SUCLG2: variants seen among roughly 807,000 people sequenced by gnomAD.
SUCLG2 encodes the protein succinate-CoA ligase GDP-forming subunit beta.
Under a neutral mutation model 47.9 loss-of-function variants are expected in SUCLG2, and 42 were observed. The observed-to-expected ratio is 0.88, with a 90% CI of 0.69 to 1.14. SUCLG2 has a LOEUF of 1.14. Ranked by LOEUF, SUCLG2 falls within the 50% of genes most tolerant of loss-of-function variation. The pLI is 0.00. For synonymous variants in SUCLG2, 195 were observed against 197.3 expected, an observed-to-expected ratio of 0.99 and a Z score of 0.10; for missense variants, 571 against 525.9, an observed-to-expected ratio of 1.09 and a Z score of -0.84.
intron 1 of SUCLG2, among the ~76,000 whole-genome samples, chr3:67,617,254 T>C (rs1239389097): frequency 1.3e-5 from 2 of 152,220 alleles, no homozygotes; most frequent in African/African-American, 4.8e-5. Flanking sequence ...GAATCCTGTT[T>C]GTGAGAGGAA....
At chr3:67,411,892 T>C (rs1702940106) in intron 9 of SUCLG2, among the ~76,000 whole-genome samples, 2 of 152,112 alleles carry the variant, frequency 1.3e-5, no homozygotes, top group Admixed American at 1.3e-4. Flanking sequence ...AAGTTACACA[T>C]TCAAACATGT....
At chr3:67,461,416 T>C (rs949725741) in intron 9 of SUCLG2, among the ~76,000 whole-genome samples, 2 of 152,100 alleles carry the variant, frequency 1.3e-5, no homozygotes, top group Admixed American at 6.6e-5. Context: ...GAATTCCATA[T>C]AACGGTATTG....
chr3:67,399,166 T>C (rs1274385267), intron 10 of SUCLG2, among the ~76,000 whole-genome samples: 1 of 148,952 alleles, frequency 6.7e-6, no homozygotes, highest in Non-Finnish European at 1.5e-5. Flanking sequence ...AAACTTAAAG[T>C]ATAATAATAA....
At chr3:67,592,724 A>AC (rs1300581348) in intron 2 of SUCLG2, among the ~76,000 whole-genome samples, 10 of 116,230 alleles carry the variant, frequency 8.6e-5, no homozygotes, top group African/African-American at 2.7e-4. Context: ...CCTCCAAAAA[A>AC]AAAAAAAAAA....
At chr3:67,366,704 A>G (rs975386284) in intron 10 of SUCLG2, among the ~76,000 whole-genome samples, 1 of 152,146 alleles carries the variant, frequency 6.6e-6, no homozygotes, top group Non-Finnish European at 1.5e-5. Context: ...TAGGATGACA[A>G]CGTTGAGCAG....
intron 9 of SUCLG2, among the ~76,000 whole-genome samples, chr3:67,434,008 A>G (rs1703553756): frequency 6.6e-6 from 1 of 152,216 alleles, no homozygotes; most frequent in African/African-American, 2.4e-5. Context: ...CCAAGAGGCC[A>G]CCACACATAC....
intron 9 of SUCLG2, among the ~76,000 whole-genome samples, chr3:67,479,456 A>G (rs1421128045): frequency 6.6e-6 from 1 of 152,232 alleles, no homozygotes; most frequent in Non-Finnish European, 1.5e-5. Context: ...CAACATCTCC[A>G]TCTTGAAACA....
At chr3:67,395,199 A>T (rs1411416748) in intron 10 of SUCLG2, among the ~76,000 whole-genome samples, 3 of 152,084 alleles carry the variant, frequency 2.0e-5, no homozygotes, top group Non-Finnish European at 2.9e-5. Context: ...AAATGGACTA[A>T]ATGCTCCAAT....
At chr3:67,479,861 T>C (rs1225060032) in intron 9 of SUCLG2, among the ~76,000 whole-genome samples, 2 of 151,992 alleles carry the variant, frequency 1.3e-5, no homozygotes, top group Admixed American at 1.3e-4. Context: ...CATGAGGGAG[T>C]TGATCTTTAG....
At chr3:67,594,081 C>A (rs1708239249) in intron 2 of SUCLG2, among the ~76,000 whole-genome samples, 1 of 152,216 alleles carries the variant, frequency 6.6e-6, no homozygotes, top group South Asian at 2.1e-4. Context: ...GCACGTGGTA[C>A]AGGCCTGGAC....
chr3:67,499,004 G>A (rs1332646540), intron 7 of SUCLG2, among the ~76,000 whole-genome samples: 2 of 152,162 alleles, frequency 1.3e-5, no homozygotes, highest in Non-Finnish European at 2.9e-5. Flanking sequence ...CCAACTGCAG[G>A]AATTGTGCAA....
At chr3:67,445,689 C>A (rs1703911313) in intron 9 of SUCLG2, among the ~76,000 whole-genome samples, 1 of 29,310 alleles carries the variant, frequency 3.4e-5, no homozygotes, top group African/African-American at 1.3e-4. Flanking sequence ...AAAAAATTAT[C>A]TCCTGACCAT....
rs1705017536 is a variant in SUCLG2, at chr3:67,485,115, T to C, written c.1062+10683A>G. Among the ~76,000 whole-genome samples, 3 of 152,178 alleles carry C rather than the reference T, an allele frequency of 2.0e-5. No individual in the cohort carries two copies. The South Asian group carries it at 6.2e-4, about 32-fold the overall frequency. On this transcript the variant is annotated intron_variant, in intron 9 of 10. Coordinates refer to ENST00000307227, the MANE Select transcript of SUCLG2 (RefSeq NM_003848.4). ...TTCAGCCACCTCTGGAATTCTTAGG[T>C]AGTTTAGCATCCCAGCAACTTAGAG...
chr3:67,612,699 G>A (rs530002967), intron 1 of SUCLG2, among the ~76,000 whole-genome samples: 1 of 152,290 alleles, frequency 6.6e-6, no homozygotes, highest in African/African-American at 2.4e-5. Context: ...TACTTCAGCT[G>A]AAGTTAGGCG....
At chr3:67,443,117 C>T (rs1703813197) in intron 9 of SUCLG2, among the ~76,000 whole-genome samples, 1 of 152,104 alleles carries the variant, frequency 6.6e-6, no homozygotes, top group Admixed American at 6.6e-5. Flanking sequence ...TGAGGTATTA[C>T]AAGTAATCTG....
At chr3:67,379,993 C>T (rs1702116897) in intron 10 of SUCLG2, among the ~76,000 whole-genome samples, 2 of 152,210 alleles carry the variant, frequency 1.3e-5, no homozygotes. Context: ...CGTTAGCTAG[C>T]AGTACGTGCT....
Position 67,429,230 on chromosome 3 carries a change from C to T in SUCLG2, c.1063-28379G>A, listed in dbSNP as rs149717871. Among the ~76,000 whole-genome samples, 472 of 152,296 alleles carry T rather than the reference C, an allele frequency of 3.1e-3. 4 individuals carry two copies. The East Asian group carries it at 0.036, about 12-fold the overall frequency. On this transcript the variant is annotated intron_variant, in intron 9 of 10. Transcript: ENST00000307227. ...AGTCGGGTTATCCACAAAGGGAAGT[C>T]CATTAGACTAACAGCTGATCTCTCA...
chr3:67,463,247 G>A (rs560271940), intron 9 of SUCLG2, among the ~76,000 whole-genome samples: 42 of 152,312 alleles, frequency 2.8e-4, no homozygotes, highest in Admixed American at 6.5e-4. Flanking sequence ...CTGACACAGA[G>A]AAAATATTCT....
intron 2 of SUCLG2, among the ~76,000 whole-genome samples, chr3:67,591,010 T>C (rs1708147380): frequency 1.3e-5 from 2 of 152,184 alleles, no homozygotes; most frequent in South Asian, 4.1e-4. Flanking sequence ...AAATATCTCA[T>C]CTCCTATTTA....
Sources: allele counts gnomAD v4.1 joint callset (sites outside exome capture counted in the v4.1 genomes callset), GRCh38; gene constraint gnomAD v4.1.1; transcripts MANE v1.5; gene names NCBI Gene and HGNC (gene_info 2026-07-23, HGNC 2026-07-21).